Variants in CAPZA1 observed in about 807,000 individuals in gnomAD.
The protein encoded by CAPZA1 is capping actin protein of muscle Z-line subunit alpha 1.
In CAPZA1, 10 loss-of-function variants were observed where a neutral mutation model predicts 40.8. The observed-to-expected ratio is 0.25, with a 90% CI of 0.15 to 0.42. The LOEUF is 0.42. Among genes scored for constraint, CAPZA1 ranks in the 10% least tolerant of loss-of-function variants. The pLI is 1.00. For synonymous variants in CAPZA1, 98 were observed against 115.0 expected, an observed-to-expected ratio of 0.85 and a Z score of 0.95; for missense variants, 277 against 353.8, an observed-to-expected ratio of 0.78 and a Z score of 1.74.
At chr1:112,661,814 G>A (rs548497673) in intron 7 of CAPZA1, among the ~76,000 whole-genome samples, 11 of 152,190 alleles carry the variant, frequency 7.2e-5, no homozygotes, top group Non-Finnish European at 1.5e-4. Context: ...TCAAAATACA[G>A]CCCAGTGTAC....
At chr1:112,669,664 A>G in intron 9 of CAPZA1, 59 bp downstream of exon 9, 5 of 1,244,058 alleles carry the variant, frequency 4.0e-6, no homozygotes, top group Non-Finnish European at 5.9e-6. Flanking sequence ...CGCTGTTAGC[A>G]TATTTTGTTA....
At chr1:112,651,643 G>T (rs1470254388) in intron 3 of CAPZA1, among the ~76,000 whole-genome samples, 5 of 152,034 alleles carry the variant, frequency 3.3e-5, no homozygotes, top group Non-Finnish European at 5.9e-5. Context: ...TGGTGTTGGT[G>T]TTGGTAATCT....
chr1:112,632,966 G>T (rs1368827313), intron 1 of CAPZA1, among the ~76,000 whole-genome samples: 1 of 152,128 alleles, frequency 6.6e-6, no homozygotes, highest in Non-Finnish European at 1.5e-5. Context: ...CTTATCTCTT[G>T]CTGATAATGA....
intron 1 of CAPZA1, among the ~76,000 whole-genome samples, chr1:112,640,234 A>G (rs1570709269): frequency 9.2e-6 from 1 of 108,172 alleles, no homozygotes; most frequent in Admixed American, 8.8e-5. Flanking sequence ...CCGGGAGGTG[A>G]GGGGCGCCTC....
In CAPZA1 at chr1:112,670,057, T is replaced by G. The variant is rs946832682; in HGVS notation, c.786T>G (p.Leu262=). 31 of 1,613,822 alleles carry G rather than the reference T, an allele frequency of 1.9e-5. No individual in the cohort carries two copies. Among genetic ancestry groups the G allele is most frequent in the Non-Finnish European group, 2.6e-5 (31 of 1,179,860 alleles). ...CATTCAAGGCCTTGCGCCGGCAGCT[T>G]CCAGTTACCCGCACCAAAATCGACT... The part of the protein sequence containing the change: ...DTTFKALRRQ[L]PVTRTKIDWN... Residue 262 remains leucine (L), a synonymous_variant, in exon 10 of 10, where the codon CTT becomes CTG. Transcript: ENST00000263168.
At chr1:112,629,094 G>T (rs937818108) in intron 1 of CAPZA1, among the ~76,000 whole-genome samples, 1 of 152,150 alleles carries the variant, frequency 6.6e-6, no homozygotes, top group Non-Finnish European at 1.5e-5. Flanking sequence ...AAGCCCTCCG[G>T]TGGCTTCCCA....
intron 5 of CAPZA1, among the ~76,000 whole-genome samples, chr1:112,656,872 A>G (rs954556340): frequency 3.4e-5 from 5 of 148,908 alleles, no homozygotes; most frequent in Admixed American, 1.3e-4. Context: ...CTAATCCCCC[A>G]TGTTTTGTAA....
chr1:112,658,522 C>G (rs536596054), intron 5 of CAPZA1, among the ~76,000 whole-genome samples: 66 of 152,318 alleles, frequency 4.3e-4, no homozygotes, highest in South Asian at 3.3e-3. Flanking sequence ...TGATTATTCT[C>G]CCACAATATT....
At chr1:112,654,714 T>TA in intron 5 of CAPZA1, 43 bp downstream of exon 5, 1 of 1,350,982 alleles carries the variant, frequency 7.4e-7, no homozygotes, top group Non-Finnish European at 1.0e-6. Flanking sequence ...TGTTTTCTTA[T>TA]ATTTACCTTA....
intron 1 of CAPZA1, among the ~76,000 whole-genome samples, chr1:112,636,008 G>A (rs1671009387): frequency 1.3e-5 from 2 of 152,140 alleles, no homozygotes; most frequent in African/African-American, 4.8e-5. Flanking sequence ...CAGCCTCGGT[G>A]ACAGAGCGAG....
chr1:112,659,346 T>G, intron 6 of CAPZA1: 1 of 546,332 alleles, frequency 1.8e-6, no homozygotes, highest in South Asian at 2.4e-5. Context: ...TGAGTTTTAC[T>G]TGGCTTAGGG....
At chr1:112,664,922 C>T (rs1394569356) in intron 7 of CAPZA1, among the ~76,000 whole-genome samples, 12 of 152,054 alleles carry the variant, frequency 7.9e-5, no homozygotes, top group African/African-American at 2.4e-5. Flanking sequence ...GCGACAAGAA[C>T]AAGACTCTGT....
At chr1:112,636,757 G>T (rs1175333379) in intron 1 of CAPZA1, among the ~76,000 whole-genome samples, 1 of 152,054 alleles carries the variant, frequency 6.6e-6, no homozygotes, top group African/African-American at 2.4e-5. Context: ...CCACCCTTGA[G>T]AATGATTGAC....
At chr1:112,629,915 C>T (rs1670888183) in intron 1 of CAPZA1, among the ~76,000 whole-genome samples, 1 of 152,200 alleles carries the variant, frequency 6.6e-6, no homozygotes, top group Admixed American at 6.5e-5. Flanking sequence ...CCAGCTTCTC[C>T]TTTTCTCTGT....
At chr1:112,650,612 G>A (rs886075745) in intron 3 of CAPZA1, among the ~76,000 whole-genome samples, 7 of 152,170 alleles carry the variant, frequency 4.6e-5, no homozygotes, top group African/African-American at 1.7e-4. Flanking sequence ...CTAATAATAA[G>A]GAATTCACAA....
chr1:112,629,853 A>G (rs1670887103), intron 1 of CAPZA1, among the ~76,000 whole-genome samples: 1 of 151,934 alleles, frequency 6.6e-6, no homozygotes, highest in Non-Finnish European at 1.5e-5. Context: ...TCCCTCACTC[A>G]TAGTGCCCTC....
intron 5 of CAPZA1, among the ~76,000 whole-genome samples, chr1:112,657,132 C>A (rs1671514281): frequency 6.6e-6 from 1 of 152,008 alleles, no homozygotes; most frequent in African/African-American, 2.4e-5. Context: ...GAACTCCTGA[C>A]CTTGTAATCC....
At chr1:112,654,431 A>G (rs768511443) in intron 4 of CAPZA1, 34 bp from the exon 5 acceptor site, 1 of 1,402,246 alleles carries the variant, frequency 7.1e-7, no homozygotes, top group African/African-American at 1.4e-5. Flanking sequence ...TGTCTTTTTT[A>G]CAGTTACTCA....
intron 5 of CAPZA1, among the ~76,000 whole-genome samples, chr1:112,658,559 C>T (rs951695149): frequency 1.3e-5 from 2 of 152,200 alleles, no homozygotes; most frequent in African/African-American, 2.4e-5. Context: ...TGCTGTCTCT[C>T]CATTGCCTAT....
Sources: allele counts gnomAD v4.1 joint callset (sites outside exome capture counted in the v4.1 genomes callset), GRCh38; gene constraint gnomAD v4.1.1; transcripts MANE v1.5; gene names NCBI Gene and HGNC (gene_info 2026-07-23, HGNC 2026-07-21).